The following SPAG17 variants were observed in gnomAD, a reference collection of about 807,000 sequenced individuals.
The protein encoded by SPAG17 is sperm associated antigen 17.
A neutral mutation model predicts 273.6 loss-of-function variants in SPAG17; 169 were observed. That is an observed-to-expected ratio of 0.62 (90% CI 0.55 to 0.70). SPAG17 has a LOEUF of 0.70. Among genes scored for constraint, SPAG17 ranks in the 30% least tolerant of loss-of-function variants. The pLI is 0.00. For synonymous variants in SPAG17, 825 were observed against 873.2 expected (o/e 0.94, Z 0.97); for missense variants, 2,557 against 2,627.8 (o/e 0.97, Z 0.59).
chr1:118,181,938 C>T (rs1660969327), intron 1 of SPAG17, among the ~76,000 whole-genome samples: 1 of 151,902 alleles, frequency 6.6e-6, no homozygotes, highest in African/African-American at 2.4e-5. Context: ...CCACACAGAC[C>T]CCGTCTCAAA....
At chr1:117,986,986 G>A (rs545965139) in intron 40 of SPAG17, among the ~76,000 whole-genome samples, 1 of 152,264 alleles carries the variant, frequency 6.6e-6, no homozygotes, top group East Asian at 1.9e-4. Context: ...AGACACAGAT[G>A]CACAGAGAGG....
At position 118,136,116 on chromosome 1, in the gene SPAG17, T is replaced by C. The variant is rs188552162; in HGVS notation, c.315+14427A>G. On this transcript the variant is annotated intron_variant, in intron 3 of 48. Coordinates refer to ENST00000336338, the MANE Select transcript of SPAG17 (RefSeq NM_206996.4). ...AAATTTGACATACTGTGAAAGTATT[T>C]TGGACTCTAAAAACCATCTTCCAAA... 4.1e-4 allele frequency among the ~76,000 whole-genome samples: 63 copies of C among 152,306 alleles called. 1 individual carries two copies. The East Asian group carries it at 8.7e-3, about 21-fold the overall frequency.
intron 19 of SPAG17, among the ~76,000 whole-genome samples, chr1:118,054,317 A>G (rs1053213596): frequency 1.3e-5 from 2 of 151,884 alleles, no homozygotes; most frequent in Non-Finnish European, 2.9e-5. Flanking sequence ...TTCCATTCTC[A>G]GTGTGTTGAT....
intron 30 of SPAG17, among the ~76,000 whole-genome samples, chr1:118,009,267 AC>A (rs1659224762): frequency 6.6e-6 from 1 of 151,854 alleles, no homozygotes; most frequent in Admixed American, 6.6e-5. Context: ...ACACACACAC[AC>A]ACACACACAC....
intron 23 of SPAG17, among the ~76,000 whole-genome samples, chr1:118,037,687 C>T (rs1041111150): frequency 1.1e-4 from 16 of 152,106 alleles, no homozygotes; most frequent in African/African-American, 3.9e-4. Flanking sequence ...TTTAGTTTTT[C>T]GTGGCTGCAT....
chr1:117,988,043 T>G, intron 39 of SPAG17, 62 bp downstream of exon 39: 2 of 1,475,222 alleles, frequency 1.4e-6, no homozygotes, highest in South Asian at 2.6e-5. Flanking sequence ...CACCTGCATA[T>G]TCCATTTCCT....
In SPAG17 at chr1:118,035,982, C is replaced by T. The variant is rs114045788; in HGVS notation, c.3433+788G>A. Among the ~76,000 whole-genome samples the T allele has an allele frequency of 7.1e-3, 1,086 of 152,254 alleles. 11 individuals carry two copies. Among genetic ancestry groups the T allele is most frequent in the African/African-American group, 0.025 (1,023 of 41,562 alleles). On this transcript the variant is annotated intron_variant, in intron 24 of 48. Transcript: ENST00000336338. ...CCAAGGTAGGAGGATCACTTGAGCA[C>T]AGGAGTTTAAGACCAGCTTGGGAAA... is the stretch of plus-strand genomic sequence containing the variant.
intron 18 of SPAG17, among the ~76,000 whole-genome samples, chr1:118,062,554 G>A (rs1003748229): frequency 1.4e-4 from 21 of 151,780 alleles, no homozygotes; most frequent in African/African-American, 4.8e-4. Flanking sequence ...AGGATAAAAG[G>A]TTCATCAGGA....
intron 43 of SPAG17, among the ~76,000 whole-genome samples, chr1:117,975,972 TA>T (rs1655091145): frequency 6.6e-6 from 1 of 152,240 alleles, no homozygotes; most frequent in Non-Finnish European, 1.5e-5. Context: ...ATACATTAAC[TA>T]ATTTAATTCT....
rs72697566 is a variant in SPAG17 at position 117,994,617 on chromosome 1, C to G, written c.5054-87G>C. On this transcript the variant is annotated intron_variant, in intron 34 of 48. Coordinates refer to ENST00000336338, the MANE Select transcript of SPAG17 (RefSeq NM_206996.4). ...ACGCATTGACTAAATTCAACAAGCTCTTTTTGAACAGACTTAGACATGAAA... is the reference window on the plus strand; with the variant it reads ...ACGCATTGACTAAATTCAACAAGCTGTTTTTGAACAGACTTAGACATGAAA... 3.1e-3 allele frequency: 4,260 copies of G among 1,384,104 alleles called. 9 individuals are homozygous for G. The highest frequency in any genetic ancestry group is 3.7e-3 in the Non-Finnish European group (3,783 of 1,017,920). The allele number at this position is 1,384,104 out of a possible 1,614,324, so 85.7% of individuals were successfully genotyped here. A position where few individuals can be genotyped will look rare whatever the true frequency, so the allele number is the denominator to read the frequency against.
chr1:117,989,957 T>C (rs1484746688), intron 38 of SPAG17, among the ~76,000 whole-genome samples: 1 of 152,116 alleles, frequency 6.6e-6, no homozygotes, highest in Non-Finnish European at 1.5e-5. Flanking sequence ...AAAAAATTAT[T>C]TGTCATTCAT....
Position 117,984,761 on chromosome 1 carries a change from C to T in SPAG17, c.5691G>A (p.Gln1897=), listed in dbSNP as rs1310910846. ...DKTRKEIETT[Q]NYLMDIKNRI... Reference sequence around the variant, plus strand: ...GGTTCTTAATATCCATTAGGTAATTCTGTGTTGTCTCAATTTCCTTCCTGG... The same window carrying T: ...GGTTCTTAATATCCATTAGGTAATTTTGTGTTGTCTCAATTTCCTTCCTGG... Residue 1897 remains glutamine, a synonymous_variant, in exon 41 of 49, where the codon CAG becomes CAA. Coordinates refer to ENST00000336338, the MANE Select transcript of SPAG17 (RefSeq NM_206996.4). The T allele has an allele frequency of 1.3e-5, 21 of 1,608,202 alleles. No homozygotes were observed. Among genetic ancestry groups the T allele is most frequent in the Non-Finnish European group, 1.7e-5 (20 of 1,175,692 alleles).
rs141366774 is a variant in SPAG17 at position 118,040,810 on chromosome 1, G to C, written c.3086C>G (p.Thr1029Ser). Residue 1029 changes from threonine to serine, a missense_variant, in exon 22 of 49, where the codon ACT (threonine) becomes AGT (serine). Physicochemically the swap from Thr to Ser is moderately conservative, Grantham distance 58. Transcript: ENST00000336338. ...GTAGTAATTTGACCCTGAGATTTGA[G>C]TGGGTATATTTCCCATATTGTATCC... ...FHGYNMGNIP[T>S]QISGSNYYLY... 6.5e-5 allele frequency: 104 copies of C among 1,597,742 alleles called. No homozygotes were observed. Among genetic ancestry groups the C allele is most frequent in the Non-Finnish European group, 8.3e-5 (97 of 1,164,978 alleles).
intron 1 of SPAG17, 34 bp from the exon 2 acceptor site, chr1:118,151,403 A>G: frequency 6.3e-7 from 1 of 1,579,518 alleles, no homozygotes; most frequent in Non-Finnish European, 8.6e-7. Context: ...GATTTTAAAT[A>G]TTCCTGAATA....
chr1:118,145,715 G>A lies in SPAG17; in HGVS notation c.315+4828C>T, dbSNP rs907535754. ...TATGAGAATTTTTTTACTGACAGGA[G>A]TAAAAAAAAAATTAATAATTATTTG... is the stretch of plus-strand genomic sequence containing the variant. On this transcript the variant is annotated intron_variant, in intron 3 of 48. Transcript: ENST00000336338. Among the ~76,000 whole-genome samples the A allele has an allele frequency of 4.6e-5, 7 of 151,132 alleles. No individual in the cohort carries two copies. In the South Asian group the frequency reaches 8.4e-4, roughly 18 times the overall value.
chr1:118,148,245 T>C (rs1158111618), intron 3 of SPAG17, among the ~76,000 whole-genome samples: 1 of 152,222 alleles, frequency 6.6e-6, no homozygotes, highest in African/African-American at 2.4e-5. Flanking sequence ...TTCCAGTGGG[T>C]TCCTCGTCTC....
At position 117,996,671 on chromosome 1, in the gene SPAG17, C is replaced by T; in HGVS notation, c.4849G>A (p.Glu1617Lys). The T allele has an allele frequency of 1.2e-6, 2 of 1,612,798 alleles. No individual in the cohort carries two copies. Among genetic ancestry groups the T allele is most frequent in the South Asian group, 1.1e-5 (1 of 90,942 alleles). ...KLEDDLNEKT[E>K]GYDSLSSMHL... ...ATAGAGGACAGACTATCATAGCCCT[C>T]AGTTTTCTCATTTAAATCATCTTCC... Residue 1617 changes from glutamate to lysine, a missense_variant, in exon 33 of 49, where the codon GAG (glutamate) becomes AAG (lysine). Coordinates refer to ENST00000336338, the MANE Select transcript of SPAG17 (RefSeq NM_206996.4).
At chr1:118,088,320 G>A (rs1169171100) in intron 10 of SPAG17, among the ~76,000 whole-genome samples, 1 of 152,016 alleles carries the variant, frequency 6.6e-6, no homozygotes, top group Non-Finnish European at 1.5e-5. Context: ...GTCTTCTTTG[G>A]TACCTGGAAC....
chr1:118,099,228 T>C (rs1655905749), intron 6 of SPAG17, among the ~76,000 whole-genome samples: 1 of 152,198 alleles, frequency 6.6e-6, no homozygotes, highest in African/African-American at 2.4e-5. Flanking sequence ...GTGACCTCCC[T>C]TGGGCTACTT....
Sources: gnomAD v4.1 joint callset for allele counts (sites outside exome capture counted in the v4.1 genomes callset) on GRCh38, gnomAD v4.1.1 for gene constraint, MANE v1.5 for transcripts, NCBI Gene and HGNC (gene_info 2026-07-23, HGNC 2026-07-21) for gene names.